The following CPAMD8 variants were observed in gnomAD, a reference collection of about 807,000 sequenced individuals.
CPAMD8 encodes the protein C3 and PZP-like alpha-2-macroglobulin domain-containing protein 8.
CPAMD8 carries 146 observed loss-of-function variants against 224.7 expected under a neutral mutation model. The ratio of observed to expected loss-of-function variants is 0.65; its 90% confidence interval spans 0.57 to 0.75. The LOEUF is 0.75. CPAMD8 is among the 30% of genes least tolerant of loss of function. The pLI is 0.00. For missense variants in CPAMD8, 2,301 were observed against 2,537.5 expected (o/e 0.91, Z 2.00); for synonymous variants, 966 against 1,044.6 (o/e 0.92, Z 1.45).
intron 19 of CPAMD8, among the ~76,000 whole-genome samples, chr19:16,955,625 G>A (rs568345322): frequency 4.6e-5 from 7 of 152,222 alleles, no homozygotes; most frequent in South Asian, 2.1e-4. Flanking sequence ...GGTTAAGATC[G>A]TAAATTTTAT....
chr19:16,996,557 G>A (rs1225055328), intron 11 of CPAMD8, among the ~76,000 whole-genome samples: 2 of 152,114 alleles, frequency 1.3e-5, no homozygotes, highest in Admixed American at 6.6e-5. Flanking sequence ...GATGGCTCAC[G>A]CCTGTAACCC....
At chr19:16,906,921 G>GT in intron 30 of CPAMD8, 31 bp downstream of exon 30, 1 of 1,561,738 alleles carries the variant, frequency 6.4e-7, no homozygotes, top group South Asian at 1.2e-5. Flanking sequence ...TCCCGACGCT[G>GT]TGGCCTCTGG....
intron 12 of CPAMD8, among the ~76,000 whole-genome samples, chr19:16,991,071 A>C (rs2055932299): frequency 6.7e-6 from 1 of 150,128 alleles, no homozygotes; most frequent in Non-Finnish European, 1.5e-5. Flanking sequence ...ATGGCCAATG[A>C]TTTAATCAAT....
chr19:16,914,486 C>T lies in CPAMD8; in HGVS notation c.3799G>A (p.Gly1267Ser), dbSNP rs367794774. The T allele has an allele frequency of 3.7e-5, 59 of 1,614,164 alleles. No homozygotes were observed. Among genetic ancestry groups the T allele is most frequent in the African/African-American group, 1.9e-4 (14 of 75,050 alleles). The change falls in exon 29 of 42, where the codon GGC (glycine) becomes AGC (serine). Residue 1267 changes from glycine (G) to serine (S), a missense_variant. Coordinates refer to ENST00000443236, the MANE Select transcript of CPAMD8 (RefSeq NM_015692.5). Reference protein sequence around the residue: ...LNKDIQGGIHGTVPLTAYVVV... With the variant: ...LNKDIQGGIHSTVPLTAYVVV... ...ACGTAGGCTGTCAGCGGGACAGTGCCGTGGATCCCACCCTGCAAGGGGACT... is the reference window on the plus strand; with the variant it reads ...ACGTAGGCTGTCAGCGGGACAGTGCTGTGGATCCCACCCTGCAAGGGGACT...
chr19:16,978,346 C>A (rs1337008717), intron 14 of CPAMD8, among the ~76,000 whole-genome samples: 1 of 152,140 alleles, frequency 6.6e-6, no homozygotes, highest in Non-Finnish European at 1.5e-5. Context: ...CACAGTGGAA[C>A]CACCACCATC....
chr19:16,901,084 G>A (rs916058714), intron 36 of CPAMD8, 126 bp downstream of exon 36: 1 of 605,580 alleles, frequency 1.7e-6, no homozygotes, highest in Non-Finnish European at 3.0e-6. Flanking sequence ...AGAGGGAGAG[G>A]GAAGAAAAGA....
intron 21 of CPAMD8, among the ~76,000 whole-genome samples, chr19:16,946,811 A>C (rs181831662): frequency 1.5e-4 from 23 of 152,088 alleles, no homozygotes; most frequent in African/African-American, 5.1e-4. Context: ...GTGTGTATGC[A>C]TGTCTGCATG....
intron 17 of CPAMD8, among the ~76,000 whole-genome samples, chr19:16,972,467 C>G (rs146106438): frequency 0.046 from 7,000 of 152,116 alleles, 535 homozygotes; most frequent in African/African-American, 0.16. Context: ...GAGTCTCACT[C>G]TGTCGCCCAG....
chr19:17,015,497 C>A (rs1450848045), intron 3 of CPAMD8, among the ~76,000 whole-genome samples: 1 of 152,104 alleles, frequency 6.6e-6, no homozygotes, highest in East Asian at 1.9e-4. Flanking sequence ...TCCGTCCCAG[C>A]CCTCTCTCCA....
chr19:16,944,228 C>G (rs2053998054), intron 22 of CPAMD8, among the ~76,000 whole-genome samples: 1 of 152,240 alleles, frequency 6.6e-6, no homozygotes, highest in Admixed American at 6.5e-5. Flanking sequence ...GCTGCTTTAT[C>G]AAGCCACACA....
intron 11 of CPAMD8, among the ~76,000 whole-genome samples, chr19:16,995,514 C>T (rs577779233): frequency 6.6e-5 from 10 of 152,212 alleles, no homozygotes; most frequent in Non-Finnish European, 1.2e-4. Context: ...AATTATCGTG[C>T]CTCAGCCTCC....
intron 3 of CPAMD8, among the ~76,000 whole-genome samples, chr19:17,014,041 T>TTTTC (rs2056743778): frequency 6.8e-6 from 1 of 146,520 alleles, no homozygotes; most frequent in Non-Finnish European, 1.5e-5. Context: ...CTTTCTTTCT[T>TTTTC]TCTCTTTCTC....
intron 3 of CPAMD8, among the ~76,000 whole-genome samples, chr19:17,012,331 T>C (rs1031139561): frequency 2.9e-5 from 4 of 136,202 alleles, no homozygotes; most frequent in African/African-American, 1.1e-4. Flanking sequence ...ATCTTTTTTC[T>C]TTCTTTCTTT....
rs1424038474 is a variant in CPAMD8, at chr19:16,898,199, C to CA, written c.4849-206dup. The CA allele has an allele frequency of 6.1e-4, 321 of 527,600 alleles. 2 individuals carry two copies. The South Asian group carries it at 7.2e-3, about 12-fold the overall frequency. The allele number at this position is 527,600 out of a possible 1,614,324, so 32.7% of individuals were successfully genotyped here. On this transcript the variant is annotated intron_variant, in intron 37 of 41. Coordinates refer to ENST00000443236, the MANE Select transcript of CPAMD8 (RefSeq NM_015692.5). The surrounding 1 kb of genome is among the most constrained non-coding windows in gnomAD (Gnocchi z 4.2). ...TCGCGCTGTTGCCCAGGCTGGAGTG[C>CA]AGTGGCGTGATCTCGGCTCACTGCA...
intron 17 of CPAMD8, 123 bp downstream of exon 17, chr19:16,974,974 C>A (rs551575516): frequency 1.5e-6 from 2 of 1,335,304 alleles, no homozygotes; most frequent in Non-Finnish European, 2.0e-6. Context: ...GACCCCATCT[C>A]GAAAAAAAGA....
intron 23 of CPAMD8, among the ~76,000 whole-genome samples, chr19:16,937,650 C>CTTT (rs550702792): frequency 5.5e-4 from 64 of 116,802 alleles, no homozygotes; most frequent in Non-Finnish European, 8.7e-4. Context: ...TAACTTCATA[C>CTTT]TTTTTTTTTT....
intron 34 of CPAMD8, 24 bp from the exon 35 acceptor site, chr19:16,902,887 G>A: frequency 6.7e-7 from 1 of 1,486,118 alleles, no homozygotes; most frequent in Non-Finnish European, 9.0e-7. Flanking sequence ...GAGGATGGAG[G>A]CTTAGGGACC....
chr19:16,950,170 C>T (rs540623471), intron 20 of CPAMD8, among the ~76,000 whole-genome samples: 33 of 151,524 alleles, frequency 2.2e-4, no homozygotes, highest in Admixed American at 1.1e-3. Context: ...TGGTGGCGGG[C>T]GCCTGTAATC....
rs774376062 is a variant in CPAMD8 at position 16,907,025 on chromosome 19, G to A, written c.3954C>T (p.Tyr1318=). ...CCGGGCTGCGGAGCAGGGTCAGCGC[G>A]TAGGTAGTCAGGGCACAGCTATAAG... is the stretch of plus-strand genomic sequence containing the variant. ...MDPYSCALTT[Y]ALTLLRSPAA... Residue 1318 remains tyrosine (Y), a synonymous_variant, in exon 30 of 42, where the codon TAC becomes TAT. Coordinates refer to ENST00000443236, the MANE Select transcript of CPAMD8 (RefSeq NM_015692.5). 36 of 1,609,298 alleles carry A rather than the reference G, an allele frequency of 2.2e-5. No homozygotes were observed. The South Asian group carries it at 2.6e-4, about 12-fold the overall frequency.
Sources: allele counts gnomAD v4.1 joint callset (sites outside exome capture counted in the v4.1 genomes callset), GRCh38; gene constraint gnomAD v4.1.1; non-coding constraint Gnocchi (gnomAD v3.1); transcripts MANE v1.5; gene names NCBI Gene and HGNC (gene_info 2026-07-23, HGNC 2026-07-21).